The following ARSL variants were observed in gnomAD, a reference collection of about 807,000 sequenced individuals.
ARSL encodes arylsulfatase E (chondrodysplasia punctata 1).
In ARSL, 4 loss-of-function variants were observed where a neutral mutation model predicts 31.1. The ratio of observed to expected loss-of-function variants is 0.13; its 90% CI spans 0.06 to 0.29. ARSL has a LOEUF of 0.29. ARSL is among the 10% of genes least tolerant of loss of function. ARSL has a pLI of 1.00. For missense variants in ARSL, 312 were observed against 497.8 expected (o/e 0.63, Z 3.55); for synonymous variants, 198 against 209.9 (o/e 0.94, Z 0.49).
chrX:2,960,455 C>T, intron 1 of ARSL, 35 bp from the exon 2 acceptor site: 1 of 1,193,446 alleles, frequency 8.4e-7, no homozygotes, highest in Non-Finnish European at 1.1e-6. Flanking sequence ...ATCACATTGA[C>T]AGCAGAAATT....
chrX:2,944,247 A>T (rs1234765820), intron 7 of ARSL, among the ~76,000 whole-genome samples: 3 of 109,414 alleles, frequency 2.7e-5, no homozygotes, highest in Non-Finnish European at 5.7e-5. Context: ...CAAGGTCAGC[A>T]GTTCGAGACC....
chrX:2,953,641 C>T (rs2089489644), intron 4 of ARSL, among the ~76,000 whole-genome samples: 1 of 111,889 alleles, frequency 8.9e-6, no homozygotes, highest in Non-Finnish European at 1.9e-5. Flanking sequence ...CAGTCTCAAC[C>T]ACCTGGGCTC....
At chrX:2,963,792 C>A (rs774424660) in intron 1 of ARSL, among the ~76,000 whole-genome samples, 1 of 108,171 alleles carries the variant, frequency 9.2e-6, no homozygotes, top group African/African-American at 3.4e-5. Flanking sequence ...AATCCACCCG[C>A]CTCGACCTCC....
chrX:2,968,157 C>T, upstream of ARSL: 2 of 1,155,179 alleles, frequency 1.7e-6, no homozygotes, highest in African/African-American at 3.6e-5. Context: ...ACCTGACATG[C>T]AGCTGTGTAA....
rs758639903 is a variant in ARSL at position 2,940,738 on chromosome X, C to A, written c.1126+2327G>T. Among the ~76,000 whole-genome samples the A allele has an allele frequency of 1.8e-4, 20 of 110,072 alleles. No homozygotes were observed. In the Admixed American group the frequency reaches 2.0e-3, roughly 11 times the overall value. On this transcript the variant is annotated intron_variant, in intron 8 of 10. Transcript: ENST00000381134. ...ATCACTTGAGGTGAGGAGTTTGAGA[C>A]CAGCCTGGGCAACATGGCAAAACCC...
rs149667474 is a variant in ARSL at position 2,962,987 on chromosome X, C to T, written c.-21+1237G>A. Among the ~76,000 whole-genome samples the T allele has an allele frequency of 2.9e-3, 326 of 111,724 alleles. 2 individuals are homozygous for T. Among genetic ancestry groups the T allele is most frequent in the African/African-American group, 9.1e-3 (282 of 30,823 alleles). On this transcript the variant is annotated intron_variant, in intron 1 of 10. Coordinates refer to ENST00000381134, the MANE Select transcript of ARSL (RefSeq NM_000047.3). ...TTCAAGTTTTCCGGCCTTTCCAGAC[C>T]GAATCAATGCACTTCTTACATTATT...
At position 2,938,380 on chromosome X, in the gene ARSL, T is replaced by TTCTCTC. The variant is rs34095951; in HGVS notation, c.1127-129_1127-124dup. 4,964 of 744,924 alleles carry TTCTCTC rather than the reference T, an allele frequency of 6.7e-3. 8 individuals are homozygous for TTCTCTC. The highest frequency in any genetic ancestry group is 7.8e-3 in the Non-Finnish European group (3,988 of 512,467). 61.4% of individuals were successfully genotyped at this position (744,924 alleles called of 1,213,427 possible). On this transcript the variant is annotated intron_variant, in intron 8 of 10. Coordinates refer to ENST00000381134, the MANE Select transcript of ARSL (RefSeq NM_000047.3). ...TTTCTCTCTCCCTGAGTCTCTCAAT[T>TTCTCTC]TCTCTCTCTCTCTCTCTCTGTTTTA...
Position 2,955,524 on chromosome X carries a change from C to T in ARSL, c.199G>A (p.Asp67Asn). Reference protein sequence around the residue: ...GNNTMRTPNIDRLAEDGVKLT... With the variant: ...GNNTMRTPNINRLAEDGVKLT... Reference sequence around the variant, plus strand: ...TTCACGCCGTCCTCTGCAAGGCGGTCAATATTCGGAGTCCTATGGAGGGAC... The same window carrying T: ...TTCACGCCGTCCTCTGCAAGGCGGTTAATATTCGGAGTCCTATGGAGGGAC... The change falls in exon 4 of 11, where the codon GAC (aspartate) becomes AAC (asparagine). Residue 67 changes from aspartate to asparagine, a missense_variant. Physicochemically the swap from Asp to Asn is conservative, Grantham distance 23 (BLOSUM62 1). Coordinates refer to ENST00000381134, the MANE Select transcript of ARSL (RefSeq NM_000047.3). 8.3e-7 allele frequency: 1 copy of T among 1,210,851 alleles called. No homozygotes were observed. Among genetic ancestry groups the T allele is most frequent in the Non-Finnish European group, 1.1e-6 (1 of 895,170 alleles).
intron 6 of ARSL, 67 bp downstream of exon 6, chrX:2,949,237 G>A: frequency 8.6e-7 from 1 of 1,157,840 alleles, no homozygotes. Flanking sequence ...GACTGAAGAA[G>A]ACTATTTAGG....
chrX:2,943,741 C>CAAAA (rs63205261), intron 7 of ARSL, among the ~76,000 whole-genome samples: 1 of 13,728 alleles, frequency 7.3e-5, no homozygotes, highest in Non-Finnish European at 1.3e-4. Flanking sequence ...GACTCGGTCT[C>CAAAA]AAAAAAAAAA....
At position 2,935,150 on chromosome X, in the gene ARSL, G is replaced by C; in HGVS notation, c.1452C>G (p.Phe484Leu). 1 of 1,211,483 alleles carries C rather than the reference G, an allele frequency of 8.3e-7. No individual in the cohort carries two copies. Among genetic ancestry groups the C allele is most frequent in the Non-Finnish European group, 1.1e-6 (1 of 895,433 alleles). ...MWKVHFVTPV[F>L]QPEGAGACYG... ...AGCAGGCACCGGCTCCCTCTGGCTG[G>C]AACACAGGCGTCACAAAGTGGACTT... The change falls in exon 11 of 11, where the codon TTC becomes TTG. Residue 484 changes from phenylalanine to leucine, a missense_variant. Transcript: ENST00000381134.
At chrX:2,939,417 G>A (rs1246968388) in intron 8 of ARSL, among the ~76,000 whole-genome samples, 1 of 112,060 alleles carries the variant, frequency 8.9e-6, no homozygotes, top group Non-Finnish European at 1.9e-5. Context: ...TTAAAGCTCC[G>A]CCAGTTTATA....
intron 7 of ARSL, among the ~76,000 whole-genome samples, 157 bp from the exon 8 acceptor site, chrX:2,943,356 T>C (rs1287475752): frequency 8.9e-6 from 1 of 111,848 alleles, no homozygotes; most frequent in East Asian, 2.8e-4. Flanking sequence ...TTGATATCCT[T>C]TGTTGGAGAT....
rs1603461557 is a variant in ARSL at position 2,934,991 on chromosome X, C to T, written c.1611G>A (p.Val537=). The T allele has an allele frequency of 8.3e-7, 1 of 1,211,403 alleles. No individual in the cohort carries two copies. The highest frequency in any genetic ancestry group is 3.0e-5 in the East Asian group (1 of 33,827). Residue 537 remains valine, a synonymous_variant, in exon 11 of 11, where the codon GTG becomes GTA. Coordinates refer to ENST00000381134, the MANE Select transcript of ARSL (RefSeq NM_000047.3). The stretch of plus-strand genomic sequence containing the variant: ...ACACCGCCTGCTGGACTCGTTCCAT[C>T]ACCTGATAGAACACGGGCTCTGAGG... The part of the protein sequence containing the change: ...TPASEPVFYQ[V]MERVQQAVWE...
upstream of ARSL, chrX:2,968,131 C>T: frequency 8.7e-7 from 1 of 1,155,123 alleles, no homozygotes; most frequent in Non-Finnish European, 1.1e-6. Flanking sequence ...AAGAAGAAGC[C>T]CCAGGAAGGC....
chrX:2,966,142 C>T (rs2089697721), upstream of ARSL, among the ~76,000 whole-genome samples: 1 of 111,945 alleles, frequency 8.9e-6, no homozygotes, highest in Non-Finnish European at 1.9e-5. Context: ...CTCACTTCCT[C>T]CTTATGTGGG....
chrX:2,943,599 G>A (rs1029792874), intron 7 of ARSL, among the ~76,000 whole-genome samples: 15 of 108,497 alleles, frequency 1.4e-4, no homozygotes, highest in African/African-American at 3.7e-4. Flanking sequence ...AAAATTAGCC[G>A]GGCGTGGTGG....
At chrX:2,942,090 C>G (rs2089289687) in intron 8 of ARSL, among the ~76,000 whole-genome samples, 1 of 111,581 alleles carries the variant, frequency 9.0e-6, no homozygotes, top group African/African-American at 3.3e-5. Context: ...AAAAGCCCCC[C>G]AGGAGTTCTG....
chrX:2,935,767 T>C (rs1218764910), intron 10 of ARSL, among the ~76,000 whole-genome samples: 2 of 105,710 alleles, frequency 1.9e-5, no homozygotes, highest in East Asian at 6.4e-4. Context: ...AACCTCCGCC[T>C]CCTGGGTTCA....
Sources: allele counts gnomAD v4.1 joint callset (sites outside exome capture counted in the v4.1 genomes callset), GRCh38; gene constraint gnomAD v4.1.1; transcripts MANE v1.5; gene names NCBI Gene and HGNC (gene_info 2026-07-23, HGNC 2026-07-21).